RASA3: variants seen among roughly 807,000 people sequenced by gnomAD.
The protein encoded by RASA3 is RAS p21 protein activator 3, also known as ras GTPase-activating protein 3.
RASA3 carries 73 observed loss-of-function variants against 110.0 expected under a neutral mutation model. The observed-to-expected ratio is 0.66, with a 90% CI of 0.55 to 0.81. The LOEUF (loss-of-function observed/expected upper bound fraction) is 0.81, where lower values mean the gene tolerates loss of function less well. Ranked by LOEUF, RASA3 falls within the 30% of genes least tolerant of loss-of-function variation. The pLI is 0.00. For missense variants in RASA3, 976 were observed against 1,113.2 expected (o/e 0.88, Z 1.75); for synonymous variants, 500 against 451.4 (o/e 1.11, Z -1.37).
intron 1 of RASA3, among the ~76,000 whole-genome samples, chr13:114,104,795 C>T (rs1264303021): frequency 6.6e-6 from 1 of 152,110 alleles, no homozygotes; most frequent in African/African-American, 2.4e-5. Context: ...AGTGTCTGTT[C>T]TGGAGGGGGG....
intron 4 of RASA3, among the ~76,000 whole-genome samples, chr13:114,037,945 C>T (rs1304403512): frequency 2.6e-5 from 4 of 151,596 alleles, no homozygotes; most frequent in African/African-American, 4.8e-5. Flanking sequence ...CACGGCCTTC[C>T]GTTCGGGGGA....
Position 114,014,170 on chromosome 13 carries a change from C to T in RASA3, c.1406-922G>A, listed in dbSNP as rs868436923. On this transcript the variant is annotated intron_variant, in intron 14 of 23. Coordinates refer to ENST00000334062, the MANE Select transcript of RASA3 (RefSeq NM_007368.4). This position sits in a 1 kb window ranked among gnomAD's most constrained non-coding sequence, Gnocchi z 4.5. ...CTTCTGTCTCTGCCTCTCTCTCCAT[C>T]TCTCCCTGTTTCTCTCCATCTCTCA... Among the ~76,000 whole-genome samples the T allele has an allele frequency of 1.3e-5, 2 of 152,162 alleles. No homozygotes were observed. Among genetic ancestry groups the T allele is most frequent in the East Asian group, 3.9e-4 (2 of 5,192 alleles).
At chr13:113,984,575 C>G (rs1401923578) in intron 22 of RASA3, among the ~76,000 whole-genome samples, 2 of 42,830 alleles carry the variant, frequency 4.7e-5, no homozygotes, top group African/African-American at 1.5e-4. Flanking sequence ...ACCCATCACT[C>G]ACCCTTTGGT....
chr13:114,081,132 C>CACCAAGAGTGTCCCACG (rs1566560885), intron 1 of RASA3, among the ~76,000 whole-genome samples: 1 of 151,978 alleles, frequency 6.6e-6, no homozygotes, highest in African/African-American at 2.4e-5. Context: ...CCACCCAAAA[C>CACCAAGAGTGTCCCACG]GCAACAGTAC....
chr13:114,070,800 G>A (rs1407044725), intron 2 of RASA3, among the ~76,000 whole-genome samples: 4 of 130,298 alleles, frequency 3.1e-5, no homozygotes, highest in Admixed American at 7.8e-5. Context: ...CACGCTAAAC[G>A]GCGCCACAGT....
chr13:114,045,560 G>T (rs573887860), intron 3 of RASA3, among the ~76,000 whole-genome samples: 4 of 152,120 alleles, frequency 2.6e-5, no homozygotes, highest in African/African-American at 9.6e-5. Context: ...CCCAGCCAGG[G>T]CCACGAGGAA....
At chr13:114,005,191 C>T (rs1056202306) in intron 18 of RASA3, among the ~76,000 whole-genome samples, 3 of 152,160 alleles carry the variant, frequency 2.0e-5, no homozygotes, top group Non-Finnish European at 2.9e-5. Flanking sequence ...GTTCAGGTGA[C>T]GGTTTCACGA....
At chr13:114,046,109 G>C (rs981629591) in intron 3 of RASA3, among the ~76,000 whole-genome samples, 1 of 152,186 alleles carries the variant, frequency 6.6e-6, no homozygotes, top group Non-Finnish European at 1.5e-5. Flanking sequence ...AAAGCATCTA[G>C]AATAGAAAAA....
intron 1 of RASA3, among the ~76,000 whole-genome samples, chr13:114,102,469 C>T: frequency 6.6e-6 from 1 of 152,048 alleles, no homozygotes; most frequent in East Asian, 1.9e-4. Context: ...CAGGTCCCAC[C>T]CTCCCCCAGA....
At chr13:114,132,171 C>T (rs561155811) in intron 1 of RASA3, among the ~76,000 whole-genome samples, 32 of 152,340 alleles carry the variant, frequency 2.1e-4, no homozygotes, top group African/African-American at 6.7e-4. Flanking sequence ...TCCGCCGCTA[C>T]CAGGGACCGG....
In RASA3 at chr13:114,112,026, C is replaced by G. The variant is rs2080226429; in HGVS notation, c.55+20409G>C. Among the ~76,000 whole-genome samples the G allele has an allele frequency of 6.6e-6, 1 of 152,118 alleles. No homozygotes were observed. Among genetic ancestry groups the G allele is most frequent in the African/African-American group, 2.4e-5 (1 of 41,416 alleles). ...TAGCGGAAGAGACAAAAGCAAAAGG[C>G]AGATTCGCCCCTTTGTGTGGTCCCG... On this transcript the variant is annotated intron_variant, in intron 1 of 23. Transcript: ENST00000334062. This position sits in a 1 kb window ranked among gnomAD's most constrained non-coding sequence, Gnocchi z 4.8.
intron 1 of RASA3, among the ~76,000 whole-genome samples, chr13:114,109,724 C>T (rs970823199): frequency 2.0e-5 from 3 of 152,198 alleles, no homozygotes; most frequent in Admixed American, 6.5e-5. Context: ...ACCAGGCCCT[C>T]GAGCCTCCAA....
intron 9 of RASA3, among the ~76,000 whole-genome samples, chr13:114,019,243 C>CTG (rs1403141515): frequency 6.6e-6 from 1 of 152,246 alleles, no homozygotes; most frequent in Non-Finnish European, 1.5e-5. Flanking sequence ...GACCCACACC[C>CTG]AGCAGTGTCA....
intron 3 of RASA3, among the ~76,000 whole-genome samples, 190 bp downstream of exon 3, chr13:114,051,862 C>T (rs2079152132): frequency 1.3e-5 from 2 of 152,220 alleles, no homozygotes; most frequent in African/African-American, 4.8e-5. Context: ...TGGTGTGATG[C>T]TCTAGCAGGG....
intron 1 of RASA3, among the ~76,000 whole-genome samples, chr13:114,124,848 G>GA (rs1317029387): frequency 6.6e-6 from 1 of 152,214 alleles, no homozygotes; most frequent in African/African-American, 2.4e-5. Context: ...TCTGTGAAGG[G>GA]ATGATTTCTA....
chr13:113,989,490 C>A (rs9590496), intron 22 of RASA3, among the ~76,000 whole-genome samples: 5,856 of 148,862 alleles, frequency 0.039, 438 homozygotes, highest in African/African-American at 0.14. Flanking sequence ...ATCACTCACC[C>A]ATGCTTCCAT....
chr13:114,074,929 C>G (rs1053283505), intron 1 of RASA3, among the ~76,000 whole-genome samples: 3 of 152,382 alleles, frequency 2.0e-5, no homozygotes, highest in African/African-American at 7.2e-5. Context: ...GGATGAGTGA[C>G]AGCTGTCAAT....
rs1316646721 is a variant in RASA3, at chr13:114,029,798, G to A, written c.449+13C>T. On this transcript the variant is annotated intron_variant, in intron 5 of 23. Coordinates refer to ENST00000334062, the MANE Select transcript of RASA3 (RefSeq NM_007368.4). ...TCGCTGTGCGCTCGGTCTCTAGTGA[G>A]GACGTGTCTTACCGTGTGGCGAGCT... is the stretch of plus-strand genomic sequence containing the variant. 2.8e-5 allele frequency: 44 copies of A among 1,587,996 alleles called. No individual in the cohort carries two copies. In the Middle Eastern group the frequency reaches 6.6e-4, roughly 24 times the overall value.
At chr13:114,020,457 G>A (rs766887207) in intron 9 of RASA3, among the ~76,000 whole-genome samples, 3 of 152,178 alleles carry the variant, frequency 2.0e-5, no homozygotes, top group Admixed American at 6.5e-5. Flanking sequence ...GCCTGTGCCC[G>A]TGCCGTCTTC....
Sources: allele counts gnomAD v4.1 joint callset (sites outside exome capture counted in the v4.1 genomes callset), GRCh38; gene constraint gnomAD v4.1.1; non-coding constraint Gnocchi (gnomAD v3.1); transcripts MANE v1.5; gene names NCBI Gene and HGNC (gene_info 2026-07-23, HGNC 2026-07-21).